Variants in CARHSP1 observed in about 807,000 individuals in gnomAD.
CARHSP1 encodes the protein calcium-regulated heat-stable protein 1.
A neutral mutation model predicts 12.5 loss-of-function variants in CARHSP1; 14 were observed. The ratio of observed to expected loss-of-function variants is 1.12; its 90% CI spans 0.74 to 1.75. The LOEUF is 1.75. CARHSP1 is among the 40% of genes most tolerant of loss of function. CARHSP1 has a pLI of 0.00. For synonymous variants in CARHSP1, 161 were observed against 82.0 expected (o/e 1.96, Z -5.20); for missense variants, 343 against 201.6 (o/e 1.70, Z -4.25).
At chr16:8,867,615 G>C (rs548298642) in intron 1 of CARHSP1, 2 of 152,414 alleles carry the variant, frequency 1.3e-5, no homozygotes, top group Non-Finnish European at 1.5e-5. Context: ...ATGGCCCCAC[G>C]CCAGGCCTAG....
chr16:8,856,099 A>G (rs977002663), intron 3 of CARHSP1, among the ~76,000 whole-genome samples: 3 of 152,138 alleles, frequency 2.0e-5, no homozygotes, highest in African/African-American at 4.8e-5. Context: ...GTGAGCCACC[A>G]CGCCTGGACT....
At chr16:8,862,327 C>T (rs1274853228) in intron 1 of CARHSP1, among the ~76,000 whole-genome samples, 2 of 152,050 alleles carry the variant, frequency 1.3e-5, no homozygotes, top group Non-Finnish European at 2.9e-5. Flanking sequence ...AAATAATACA[C>T]ACTAAGCACT....
chr16:8,855,510 GTCCTA>G (rs2061071578), intron 3 of CARHSP1, among the ~76,000 whole-genome samples, 184 bp from the exon 4 acceptor site: 1 of 152,114 alleles, frequency 6.6e-6, no homozygotes, highest in Non-Finnish European at 1.5e-5. Flanking sequence ...CCCAGCCTCT[GTCCTA>G]GGCAAGGAGG....
intron 2 of CARHSP1, chr16:8,858,947 C>T (rs891733685): frequency 2.1e-6 from 1 of 475,054 alleles, no homozygotes; most frequent in South Asian, 4.1e-5. Flanking sequence ...CAACTGCCCA[C>T]CCATTGCCAC....
At chr16:8,858,081 C>T (rs974987641) in intron 3 of CARHSP1, 5 of 481,142 alleles carry the variant, frequency 1.0e-5, no homozygotes, top group East Asian at 3.8e-5. Flanking sequence ...ACCTTACACA[C>T]CCATTCACAA....
chr16:8,860,194 C>G, intron 1 of CARHSP1: 1 of 985,474 alleles, frequency 1.0e-6, no homozygotes, highest in African/African-American at 1.7e-5. Context: ...CTGTCACAAG[C>G]CTGCACCCAG....
chr16:8,861,058 A>G (rs554483494), intron 1 of CARHSP1, among the ~76,000 whole-genome samples: 6,867 of 29,256 alleles, frequency 0.23, 277 homozygotes, highest in Middle Eastern at 0.43. Flanking sequence ...TCAAAAAAAA[A>G]TAAATAACTT....
At chr16:8,856,459 C>G (rs765238770) in intron 3 of CARHSP1, among the ~76,000 whole-genome samples, 10 of 152,194 alleles carry the variant, frequency 6.6e-5, no homozygotes, top group Admixed American at 5.2e-4. Context: ...TTCCATCTTC[C>G]TAAATATTTC....
chr16:8,855,466 C>A, intron 3 of CARHSP1, 140 bp from the exon 4 acceptor site: 1 of 683,368 alleles, frequency 1.5e-6, no homozygotes. Context: ...TTCCAAAGAA[C>A]TGCCCCTCCA....
chr16:8,856,363 G>A lies in CARHSP1; in HGVS notation c.282-1037C>T, dbSNP rs2061107409. 3.3e-5 allele frequency among the ~76,000 whole-genome samples: 5 copies of A among 152,328 alleles called. No individual in the cohort carries two copies. The South Asian group carries it at 1.0e-3, about 32-fold the overall frequency. On this transcript the variant is annotated intron_variant, in intron 3 of 3. Transcript: ENST00000311052. ...TGATTGGAGAATCGTATGGTGAAGA[G>A]TGTTTCCCTCTTTGATCTGGTCACG...
At chr16:8,863,350 C>A (rs184782809) in intron 1 of CARHSP1, among the ~76,000 whole-genome samples, 2 of 151,972 alleles carry the variant, frequency 1.3e-5, no homozygotes, top group African/African-American at 4.8e-5. Flanking sequence ...TGGGCTCAAG[C>A]GATCGGCGCA....
intron 2 of CARHSP1, chr16:8,858,674 TG>T: frequency 1.7e-6 from 1 of 586,698 alleles, no homozygotes; most frequent in Non-Finnish European, 2.9e-6. Flanking sequence ...TGGATGACCC[TG>T]GCCAATTTTC....
chr16:8,861,486 A>G (rs919714649), intron 1 of CARHSP1, among the ~76,000 whole-genome samples: 12 of 151,578 alleles, frequency 7.9e-5, no homozygotes, highest in African/African-American at 2.7e-4. Flanking sequence ...CACCCCCCGA[A>G]CCGCCTTCAA....
Position 8,855,007 on chromosome 16 carries a change from ACCTGCC to A in CARHSP1, c.*151_*156del. 3 of 482,936 alleles carry A rather than the reference ACCTGCC, an allele frequency of 6.2e-6. No individual in the cohort carries two copies. The highest frequency in any genetic ancestry group is 3.5e-6 in the Non-Finnish European group (1 of 286,750). 29.9% of individuals were successfully genotyped at this position (482,936 alleles called of 1,614,324 possible). ...TGGCCGGGAACACCCCACACCCCAC[ACCTGCC>A]CCCCATACCCCTTCCTCCAGGAGAT... On this transcript the variant is annotated 3_prime_UTR_variant, in exon 4 of 4. Coordinates refer to ENST00000311052, the MANE Select transcript of CARHSP1 (RefSeq NM_014316.4).
At chr16:8,857,946 T>C (rs893722481) in intron 3 of CARHSP1, 1 of 167,340 alleles carries the variant, frequency 6.0e-6, no homozygotes, top group Non-Finnish European at 1.3e-5. Flanking sequence ...TGTGTTTTTT[T>C]AGTAGAGACG....
At chr16:8,861,826 T>C in intron 1 of CARHSP1, 1 of 1,195,576 alleles carries the variant, frequency 8.4e-7, no homozygotes, top group East Asian at 5.9e-5. Context: ...ACGCCCAGAG[T>C]TCCAGGAAAG....
intron 3 of CARHSP1, among the ~76,000 whole-genome samples, chr16:8,856,546 C>T (rs116932672): frequency 0.019 from 2,916 of 151,810 alleles, 57 homozygotes; most frequent in Middle Eastern, 0.061. Context: ...TACCCTTACA[C>T]ATCCATGTAT....
intron 3 of CARHSP1, among the ~76,000 whole-genome samples, chr16:8,855,888 T>C (rs1261131401): frequency 6.6e-6 from 1 of 152,148 alleles, no homozygotes; most frequent in East Asian, 1.9e-4. Context: ...AGTGGTGTGA[T>C]CTCAGCTTAC....
chr16:8,858,042 C>G, intron 3 of CARHSP1: 1 of 326,088 alleles, frequency 3.1e-6, no homozygotes, highest in Non-Finnish European at 5.8e-6. Context: ...GGATTACAGG[C>G]GTGAGCCACC....
Sources: gnomAD v4.1 joint callset for allele counts (sites outside exome capture counted in the v4.1 genomes callset) on GRCh38, gnomAD v4.1.1 for gene constraint, MANE v1.5 for transcripts, NCBI Gene and HGNC (gene_info 2026-07-23, HGNC 2026-07-21) for gene names.